The following RBFOX1 variants were observed in gnomAD, a reference collection of about 807,000 sequenced individuals.
RBFOX1 encodes the protein RNA binding protein fox-1 homolog 1.
RBFOX1 carries 8 observed loss-of-function variants against 57.7 expected under a neutral mutation model. The ratio of observed to expected loss-of-function variants is 0.14; its 90% CI spans 0.08 to 0.25. The LOEUF (loss-of-function observed/expected upper bound fraction) is 0.25, where lower values mean the gene tolerates loss of function less well. RBFOX1 is among the 10% of genes least tolerant of loss of function. The pLI, the probability that RBFOX1 is intolerant of heterozygous loss-of-function variation, is 1.00. For synonymous variants in RBFOX1, 326 were observed against 222.4 expected, an observed-to-expected ratio of 1.47 and a Z score of -4.15; for missense variants, 611 against 548.5, an observed-to-expected ratio of 1.11 and a Z score of -1.14.
chr16:5,964,471 C>G (rs889550832), intron 4 of RBFOX1, among the ~76,000 whole-genome samples: 1 of 151,860 alleles, frequency 6.6e-6, no homozygotes, highest in Non-Finnish European at 1.5e-5. Flanking sequence ...TCACAATAGC[C>G]AAAATATGAA....
At chr16:5,671,616 C>G (rs1436868154) in intron 3 of RBFOX1, among the ~76,000 whole-genome samples, 2 of 152,174 alleles carry the variant, frequency 1.3e-5, no homozygotes, top group Admixed American at 6.5e-5. Flanking sequence ...ACTGTAGAGA[C>G]AAGCTGTTCT....
chr16:7,477,776 C>T (rs1242402974), intron 4 of RBFOX1, among the ~76,000 whole-genome samples: 1 of 152,156 alleles, frequency 6.6e-6, no homozygotes, highest in Non-Finnish European at 1.5e-5. Context: ...CTTCTCTTCC[C>T]ATAACCACAC....
At chr16:5,637,181 G>A (rs1246924331) in intron 3 of RBFOX1, among the ~76,000 whole-genome samples, 2 of 152,244 alleles carry the variant, frequency 1.3e-5, no homozygotes, top group African/African-American at 4.8e-5. Flanking sequence ...CAGGGCAGCA[G>A]CTGACATGCC....
At chr16:7,335,589 A>G (rs2096771215) in intron 4 of RBFOX1, among the ~76,000 whole-genome samples, 1 of 116,858 alleles carries the variant, frequency 8.6e-6, no homozygotes. Flanking sequence ...ATAAAGAAAA[A>G]AAAAAAAAAA....
intron 4 of RBFOX1, among the ~76,000 whole-genome samples, chr16:7,117,110 G>C (rs2066077250): frequency 6.6e-6 from 1 of 152,114 alleles, no homozygotes; most frequent in African/African-American, 2.4e-5. Flanking sequence ...TGCAAAACTG[G>C]AAGCAGTTCA....
intron 3 of RBFOX1, among the ~76,000 whole-genome samples, chr16:6,783,151 C>A (rs916649774): frequency 3.3e-5 from 5 of 151,320 alleles, no homozygotes; most frequent in Non-Finnish European, 2.9e-5. Context: ...TCCTTATAGG[C>A]AGCATATAGT....
At chr16:7,101,565 A>G (rs962056377) in intron 4 of RBFOX1, among the ~76,000 whole-genome samples, 3 of 152,140 alleles carry the variant, frequency 2.0e-5, no homozygotes, top group Non-Finnish European at 4.4e-5. Flanking sequence ...TCACATATTG[A>G]ACAGTGGTGC....
At chr16:5,577,310 G>GATCAAGC (rs2151146830) in intron 2 of RBFOX1, among the ~76,000 whole-genome samples, 2 of 152,304 alleles carry the variant, frequency 1.3e-5, no homozygotes, top group South Asian at 4.1e-4. Flanking sequence ...ATTGTAGTGG[G>GATCAAGC]ATCAAGCTCT....
chr16:6,971,319 C>G (rs896993063), intron 3 of RBFOX1, among the ~76,000 whole-genome samples: 2 of 152,064 alleles, frequency 1.3e-5, no homozygotes, highest in African/African-American at 4.8e-5. Flanking sequence ...ATGTCAGCCA[C>G]AGAAACATCC....
intron 3 of RBFOX1, among the ~76,000 whole-genome samples, chr16:6,825,179 C>G (rs913549688): frequency 6.7e-6 from 1 of 149,982 alleles, no homozygotes; most frequent in African/African-American, 2.5e-5. Context: ...TCAGATGATC[C>G]TTTCTTGTGG....
chr16:7,416,634 C>T (rs886301041), intron 4 of RBFOX1, among the ~76,000 whole-genome samples: 4 of 152,174 alleles, frequency 2.6e-5, no homozygotes, highest in Non-Finnish European at 5.9e-5. Context: ...CCACGATTCC[C>T]AGTCATTGAA....
intron 14 of RBFOX1, among the ~76,000 whole-genome samples, chr16:7,702,178 A>G (rs937900609): frequency 6.6e-6 from 1 of 152,280 alleles, no homozygotes; most frequent in South Asian, 2.1e-4. Context: ...TTGAAAATGG[A>G]GATTTTGGTT....
intron 4 of RBFOX1, among the ~76,000 whole-genome samples, chr16:7,078,987 A>G (rs898385192): frequency 6.9e-6 from 1 of 145,692 alleles, no homozygotes; most frequent in African/African-American, 2.5e-5. Flanking sequence ...CTATTTTCAA[A>G]TGAGGTCATA....
chr16:5,920,312 T>C (rs749607800), intron 4 of RBFOX1, among the ~76,000 whole-genome samples: 2 of 152,182 alleles, frequency 1.3e-5, no homozygotes, highest in Admixed American at 6.5e-5. Flanking sequence ...ATTACCCATA[T>C]AATTGTATGT....
chr16:7,194,975 C>T (rs1433445662), intron 4 of RBFOX1, among the ~76,000 whole-genome samples: 8 of 151,070 alleles, frequency 5.3e-5, no homozygotes, highest in Non-Finnish European at 1.5e-5. Context: ...TGAATAACAC[C>T]TTTCAATATT....
chr16:5,357,722 G>A (rs187282457), intron 1 of RBFOX1, among the ~76,000 whole-genome samples: 10 of 152,322 alleles, frequency 6.6e-5, no homozygotes, highest in East Asian at 1.9e-4. Context: ...CTTGGAATCC[G>A]TCAGGAGAGG....
rs531280569 is a variant in RBFOX1, at chr16:6,725,136, T to G, written c.-16+70486T>G. Among the ~76,000 whole-genome samples, 3 of 147,562 alleles carry G rather than the reference T, an allele frequency of 2.0e-5. No homozygotes were observed. The East Asian group carries it at 6.4e-4, about 31-fold the overall frequency. On this transcript the variant is annotated intron_variant, in intron 3 of 15. Coordinates refer to ENST00000550418, the MANE Select transcript of RBFOX1 (RefSeq NM_018723.4). ...TGCGATCTCGGCTCACTGCAAGCTCTGCGTCCCGGGTTCACGCCATTCTCC... is the reference window on the plus strand; with the variant it reads ...TGCGATCTCGGCTCACTGCAAGCTCGGCGTCCCGGGTTCACGCCATTCTCC...
chr16:6,174,354 G>C (rs918725396), intron 1 of RBFOX1, among the ~76,000 whole-genome samples: 68 of 152,170 alleles, frequency 4.5e-4, no homozygotes, highest in Non-Finnish European at 9.3e-4. Context: ...GAACACTTTG[G>C]GAGGCCAAGG....
At chr16:5,291,261 G>GTTTTTT (rs71142610) in intron 1 of RBFOX1, among the ~76,000 whole-genome samples, 3 of 118,812 alleles carry the variant, frequency 2.5e-5, no homozygotes, top group African/African-American at 6.6e-5. Context: ...TTTATCATTG[G>GTTTTTT]TTTTTTTTTT....
Sources: gnomAD v4.1 joint callset for allele counts (sites outside exome capture counted in the v4.1 genomes callset) on GRCh38, gnomAD v4.1.1 for gene constraint, MANE v1.5 for transcripts, NCBI Gene and HGNC (gene_info 2026-07-23, HGNC 2026-07-21) for gene names.